Variants in ROR2 observed in about 807,000 individuals in gnomAD.
The protein encoded by ROR2 is tyrosine-protein kinase transmembrane receptor ROR2.
In ROR2, 33 loss-of-function variants were observed where a neutral mutation model predicts 74.9. The ratio of observed to expected loss-of-function variants is 0.44; its 90% confidence interval spans 0.33 to 0.59. The LOEUF (loss-of-function observed/expected upper bound fraction) is 0.59, where lower values mean the gene tolerates loss of function less well. Ranked by LOEUF, ROR2 falls within the 20% of genes least tolerant of loss-of-function variation. The probability of loss-of-function intolerance (pLI) is 0.02; values close to 1 mark genes in which losing one functional copy is unlikely to be tolerated. For missense variants in ROR2, 1,216 were observed against 1,313.8 expected (o/e 0.93, Z 1.15); for synonymous variants, 586 against 558.7 (o/e 1.05, Z -0.69).
chr9:91,889,483 G>A (rs927556556), intron 1 of ROR2, among the ~76,000 whole-genome samples: 1 of 152,156 alleles, frequency 6.6e-6, no homozygotes, highest in Non-Finnish European at 1.5e-5. Context: ...TGTTTCTGTT[G>A]CCAGGCGACT....
chr9:91,935,232 A>G (rs1587858756), intron 1 of ROR2, among the ~76,000 whole-genome samples: 2 of 152,280 alleles, frequency 1.3e-5, no homozygotes, highest in South Asian at 4.1e-4. Flanking sequence ...TGGCTGCCAC[A>G]CACCAGGAAA....
chr9:91,784,287 T>A (rs531518755), intron 1 of ROR2, among the ~76,000 whole-genome samples: 1 of 152,308 alleles, frequency 6.6e-6, no homozygotes, highest in Admixed American at 6.5e-5. Flanking sequence ...ATCTGCAGAA[T>A]GTATCAGGAC....
intron 1 of ROR2, among the ~76,000 whole-genome samples, chr9:91,903,737 CA>C (rs1370237945): frequency 6.6e-6 from 1 of 152,120 alleles, no homozygotes; most frequent in African/African-American, 2.4e-5. Context: ...CAAAGAGGAA[CA>C]AAAACAAACG....
chr9:91,749,903 T>C (rs935616856), intron 4 of ROR2, among the ~76,000 whole-genome samples: 1 of 152,148 alleles, frequency 6.6e-6, no homozygotes, highest in Non-Finnish European at 1.5e-5. Context: ...GAAAAACACA[T>C]ATTCTTTCTT....
intron 1 of ROR2, among the ~76,000 whole-genome samples, chr9:91,785,391 C>T (rs1000676376): frequency 2.6e-5 from 4 of 152,224 alleles, no homozygotes; most frequent in African/African-American, 9.6e-5. Context: ...GTCTTCCTTG[C>T]TGTATTTCTT....
intron 1 of ROR2, among the ~76,000 whole-genome samples, chr9:91,860,238 G>A (rs150681881): frequency 3.2e-3 from 485 of 152,238 alleles, no homozygotes; most frequent in African/African-American, 0.011. Context: ...GGAGACAACG[G>A]GCATCCTTAG....
chr9:91,934,677 AC>A (rs1237113448), intron 1 of ROR2, among the ~76,000 whole-genome samples: 40 of 150,768 alleles, frequency 2.7e-4, no homozygotes, highest in African/African-American at 9.7e-4. Context: ...ACTATGAGAA[AC>A]TTGACTTAGT....
intron 1 of ROR2, among the ~76,000 whole-genome samples, chr9:91,815,138 G>T (rs1432189519): frequency 6.6e-6 from 1 of 152,220 alleles, no homozygotes; most frequent in Non-Finnish European, 1.5e-5. Flanking sequence ...CCTGCTTACT[G>T]AATGGGTTTA....
intron 1 of ROR2, among the ~76,000 whole-genome samples, chr9:91,883,574 C>T (rs1028025193): frequency 4.6e-5 from 7 of 152,186 alleles, no homozygotes; most frequent in Admixed American, 1.3e-4. Flanking sequence ...GGACATGTGG[C>T]TGCAGGCTAC....
intron 1 of ROR2, among the ~76,000 whole-genome samples, chr9:91,859,468 T>C (rs772269383): frequency 2.6e-5 from 4 of 152,130 alleles, no homozygotes; most frequent in Non-Finnish European, 5.9e-5. Context: ...GGCAAGGGTA[T>C]TTTTTGGAGT....
chr9:91,828,044 C>T (rs1828345934), intron 1 of ROR2, among the ~76,000 whole-genome samples: 1 of 152,252 alleles, frequency 6.6e-6, no homozygotes, highest in Non-Finnish European at 1.5e-5. Flanking sequence ...GTCATAGGAT[C>T]CTTTTGTCCA....
chr9:91,742,152 G>A (rs1442451665), intron 4 of ROR2, among the ~76,000 whole-genome samples: 2 of 152,080 alleles, frequency 1.3e-5, no homozygotes, highest in East Asian at 1.9e-4. Context: ...CATTGGCAGC[G>A]GCAAGAGAAA....
chr9:91,838,531 G>A (rs946315800), intron 1 of ROR2, among the ~76,000 whole-genome samples: 1 of 152,160 alleles, frequency 6.6e-6, no homozygotes, highest in African/African-American at 2.4e-5. Flanking sequence ...CCTGAGATCG[G>A]ACTGCGGGGT....
intron 1 of ROR2, among the ~76,000 whole-genome samples, chr9:91,873,928 T>G (rs546267003): frequency 6.6e-6 from 1 of 152,166 alleles, no homozygotes; most frequent in African/African-American, 2.4e-5. Context: ...CAGAGATAAA[T>G]TTTAAAAGGA....
intron 1 of ROR2, among the ~76,000 whole-genome samples, chr9:91,859,320 G>A (rs2119292138): frequency 6.7e-6 from 1 of 149,266 alleles, no homozygotes; most frequent in Non-Finnish European, 1.5e-5. Context: ...TCCTGCCTCA[G>A]CCTCCCGGGT....
At chr9:91,754,296 T>C (rs910197133) in intron 4 of ROR2, among the ~76,000 whole-genome samples, 2 of 150,684 alleles carry the variant, frequency 1.3e-5, no homozygotes, top group Admixed American at 1.3e-4. Context: ...TTACAATATA[T>C]TATATAGTTA....
chr9:91,836,370 T>G (rs1828610335), intron 1 of ROR2, among the ~76,000 whole-genome samples: 1 of 152,046 alleles, frequency 6.6e-6, no homozygotes, highest in African/African-American at 2.4e-5. Flanking sequence ...TGAAACCCCC[T>G]TTCTACTAAA....
At chr9:91,835,349 C>G (rs940283244) in intron 1 of ROR2, among the ~76,000 whole-genome samples, 6 of 152,334 alleles carry the variant, frequency 3.9e-5, no homozygotes, top group Admixed American at 3.9e-4. Flanking sequence ...GAGACATGTA[C>G]AATTTCACCA....
rs1171675079 is a variant in ROR2, at chr9:91,892,356, A to AC, written c.97+57510dup. Among the ~76,000 whole-genome samples, 7 of 152,150 alleles carry AC rather than the reference A, an allele frequency of 4.6e-5. No individual in the cohort carries two copies. In the East Asian group the frequency reaches 1.4e-3, roughly 29 times the overall value. ...GAAGGGCAGAGCAGCCTGGGACAGAACCCCAGTTCCTGGCACCCTGGCTCC... is the reference window on the plus strand; with the variant it reads ...GAAGGGCAGAGCAGCCTGGGACAGAACCCCCAGTTCCTGGCACCCTGGCTCC... On this transcript the variant is annotated intron_variant, in intron 1 of 8. Transcript: ENST00000375708.
Sources: gnomAD v4.1 joint callset for allele counts (sites outside exome capture counted in the v4.1 genomes callset) on GRCh38, gnomAD v4.1.1 for gene constraint, MANE v1.5 for transcripts, NCBI Gene and HGNC (gene_info 2026-07-23, HGNC 2026-07-21) for gene names.